The following COL25A1 variants were observed in gnomAD, a reference collection of about 807,000 sequenced individuals.
The protein encoded by COL25A1 is collagen type XXV alpha 1 chain, also known as collagen alpha-1(XXV) chain.
In COL25A1, 103 loss-of-function variants were observed where a neutral mutation model predicts 128.4. The observed-to-expected ratio is 0.80, with a 90% confidence interval of 0.68 to 0.94. The LOEUF is 0.94. Ranked by LOEUF, COL25A1 falls within the 40% of genes least tolerant of loss-of-function variation. COL25A1 has a pLI of 0.00. For missense variants in COL25A1, 745 were observed against 840.0 expected (o/e 0.89, Z 1.40); for synonymous variants, 279 against 277.2 (o/e 1.01, Z -0.06).
At chr4:109,215,440 T>C (rs2007789) in intron 3 of COL25A1, among the ~76,000 whole-genome samples, 13,150 of 152,094 alleles carry the variant, frequency 0.086, 1,186 homozygotes, top group African/African-American at 0.23. Context: ...AACAATATAG[T>C]TTATTTGGAG....
At chr4:109,145,135 C>G (rs1408747056) in intron 3 of COL25A1, among the ~76,000 whole-genome samples, 1 of 143,052 alleles carries the variant, frequency 7.0e-6, no homozygotes, top group Non-Finnish European at 1.5e-5. Flanking sequence ...GTGGCGCAAT[C>G]TGGGCTCCTG....
intron 31 of COL25A1, among the ~76,000 whole-genome samples, chr4:108,836,946 G>A (rs1317872693): frequency 2.0e-5 from 3 of 152,092 alleles, no homozygotes; most frequent in African/African-American, 7.2e-5. Flanking sequence ...GGGCATGGTG[G>A]CATGCACCTG....
intron 8 of COL25A1, among the ~76,000 whole-genome samples, chr4:108,944,022 T>C (rs1398000995): frequency 6.6e-6 from 1 of 152,186 alleles, no homozygotes; most frequent in East Asian, 1.9e-4. Context: ...ATTCCTCATA[T>C]TAGAGATATG....
intron 3 of COL25A1, among the ~76,000 whole-genome samples, chr4:109,072,551 C>T (rs1763056114): frequency 6.6e-6 from 1 of 152,162 alleles, no homozygotes; most frequent in South Asian, 2.1e-4. Flanking sequence ...TCTGTTCTCC[C>T]TGTAATTATA....
At chr4:109,266,731 G>C (rs1256454199) in intron 3 of COL25A1, among the ~76,000 whole-genome samples, 1 of 151,796 alleles carries the variant, frequency 6.6e-6, no homozygotes, top group East Asian at 1.9e-4. Context: ...TGAAAACGTG[G>C]ATACAAATCT....
chr4:109,146,874 T>A (rs1770991366), intron 3 of COL25A1, among the ~76,000 whole-genome samples: 1 of 152,250 alleles, frequency 6.6e-6, no homozygotes, highest in South Asian at 2.1e-4. Flanking sequence ...CATCAGTGTG[T>A]TCCTGGATTC....
chr4:108,888,339 A>C (rs1427488664), intron 18 of COL25A1, among the ~76,000 whole-genome samples: 2 of 152,164 alleles, frequency 1.3e-5, no homozygotes, highest in Non-Finnish European at 2.9e-5. Context: ...TAATAGGTAA[A>C]TTTTATTTTT....
At chr4:109,155,220 T>A (rs1385576597) in intron 3 of COL25A1, among the ~76,000 whole-genome samples, 1 of 152,164 alleles carries the variant, frequency 6.6e-6, no homozygotes, top group Non-Finnish European at 1.5e-5. Context: ...AAACAATTCC[T>A]CTCCTTCTTC....
At chr4:109,001,418 T>TAGGCATCTGAGATCCTGTCAGGG (rs1755394997) in intron 6 of COL25A1, among the ~76,000 whole-genome samples, 2 of 152,198 alleles carry the variant, frequency 1.3e-5, no homozygotes, top group Non-Finnish European at 1.5e-5. Flanking sequence ...TCCTGTCAGG[T>TAGGCATCTGAGATCCTGTCAGGG]AGGCAGTGAG....
Position 109,301,717 on chromosome 4 carries a change from TCACACCTGAGC to T in COL25A1, c.292_297+5del. 6.2e-7 allele frequency: 1 copy of T among 1,610,940 alleles called. No individual in the cohort carries two copies. The highest frequency in any genetic ancestry group is 1.1e-5 in the South Asian group (1 of 90,828). On this transcript the variant is annotated splice_donor_variant and splice_donor_5th_base_variant and coding_sequence_variant and intron_variant, in exon 2 of 38. Transcript: ENST00000399132. LOFTEE classifies it high-confidence loss of function. ...CCCACGTGCAAAATACCCCAGCCTC[TCACACCTGAGC>T]CAGAAGTCGCTCCACTTTCTCTTGC... is the stretch of plus-strand genomic sequence containing the variant.
At chr4:109,297,875 T>C (rs941281664) in intron 3 of COL25A1, among the ~76,000 whole-genome samples, 10 of 139,022 alleles carry the variant, frequency 7.2e-5, no homozygotes, top group African/African-American at 2.4e-4. Context: ...TTTTTTTTTT[T>C]TTTTTTTTTT....
At chr4:109,197,484 TATTATATATAA>T (rs1560851181) in intron 3 of COL25A1, among the ~76,000 whole-genome samples, 102 of 127,328 alleles carry the variant, frequency 8.0e-4, no homozygotes, top group Non-Finnish European at 1.4e-3. Flanking sequence ...ATATATTATA[TATTATATATAA>T]ATATATATTA....
At chr4:108,876,052 G>C (rs1462268629) in intron 19 of COL25A1, among the ~76,000 whole-genome samples, 2 of 152,016 alleles carry the variant, frequency 1.3e-5, no homozygotes, top group Admixed American at 1.3e-4. Flanking sequence ...CCACACACCG[G>C]GGCCTGTCAG....
intron 3 of COL25A1, among the ~76,000 whole-genome samples, chr4:109,076,418 G>A (rs548594445): frequency 5.1e-4 from 77 of 151,876 alleles, no homozygotes; most frequent in South Asian, 1.0e-3. Flanking sequence ...ATCACTTATC[G>A]AGTGCTTTTT....
intron 3 of COL25A1, among the ~76,000 whole-genome samples, chr4:109,151,053 T>C (rs576634859): frequency 6.6e-6 from 1 of 152,236 alleles, no homozygotes; most frequent in South Asian, 2.1e-4. Context: ...TTTTAAAAGG[T>C]CTTCAACTGC....
chr4:109,240,936 C>T (rs573168867), intron 3 of COL25A1, among the ~76,000 whole-genome samples: 2 of 149,914 alleles, frequency 1.3e-5, no homozygotes, highest in Non-Finnish European at 3.0e-5. Context: ...ATGGAGAGTA[C>T]AAAATAATTT....
chr4:108,967,345 G>A (rs2125980734), intron 8 of COL25A1, among the ~76,000 whole-genome samples: 1 of 152,202 alleles, frequency 6.6e-6, no homozygotes, highest in Middle Eastern at 3.4e-3. Context: ...CTTATTGATA[G>A]GGAAGCAGTC....
At chr4:108,884,293 C>A in intron 18 of COL25A1, 71 bp from the exon 19 acceptor site, 1 of 1,376,914 alleles carries the variant, frequency 7.3e-7, no homozygotes, top group Non-Finnish European at 1.0e-6. Context: ...AAAAACATGG[C>A]AAATGTTCCT....
chr4:109,185,878 C>A (rs1775085570), intron 3 of COL25A1, among the ~76,000 whole-genome samples: 1 of 152,190 alleles, frequency 6.6e-6, no homozygotes, highest in Non-Finnish European at 1.5e-5. Context: ...GGAAGACAGG[C>A]CTCCTCAGAG....
Sources: allele counts gnomAD v4.1 joint callset (sites outside exome capture counted in the v4.1 genomes callset), GRCh38; gene constraint gnomAD v4.1.1; transcripts MANE v1.5; gene names NCBI Gene and HGNC (gene_info 2026-07-23, HGNC 2026-07-21).